The following IL1RAPL1 variants were observed in gnomAD, a reference collection of about 807,000 sequenced individuals.
IL1RAPL1 encodes the protein interleukin 1 receptor accessory protein like 1.
In IL1RAPL1, 3 loss-of-function variants were observed where a neutral mutation model predicts 48.4. The observed-to-expected ratio is 0.06, with a 90% confidence interval of 0.03 to 0.16. IL1RAPL1 has a LOEUF of 0.16. Ranked by LOEUF, IL1RAPL1 falls within the 10% of genes least tolerant of loss-of-function variation. The probability of loss-of-function intolerance (pLI) is 1.00; values close to 1 mark genes in which losing one functional copy is unlikely to be tolerated. For synonymous variants in IL1RAPL1, 185 were observed against 187.7 expected, an observed-to-expected ratio of 0.99 and a Z score of 0.12; for missense variants, 349 against 530.6, an observed-to-expected ratio of 0.66 and a Z score of 3.36.
At chrX:28,991,408 A>T (rs113280582) in intron 2 of IL1RAPL1, among the ~76,000 whole-genome samples, 1 of 104,367 alleles carries the variant, frequency 9.6e-6, no homozygotes, top group African/African-American at 3.6e-5. Flanking sequence ...GAAAACAGTG[A>T]GAGGGGCTCT....
chrX:28,923,094 G>A (rs962991154), intron 2 of IL1RAPL1, among the ~76,000 whole-genome samples: 1 of 112,174 alleles, frequency 8.9e-6, no homozygotes, highest in African/African-American at 3.2e-5. Context: ...ATATATGCCA[G>A]TCAAATGCCA....
chrX:28,624,480 A>C (rs1462540820), intron 1 of IL1RAPL1, among the ~76,000 whole-genome samples: 1 of 111,939 alleles, frequency 8.9e-6, no homozygotes, highest in Non-Finnish European at 1.9e-5. Flanking sequence ...ACACACGTAC[A>C]CATGCGTATG....
In IL1RAPL1 at chrX:28,992,438, T is replaced by G. The variant is rs1365778917; in HGVS notation, c.82+203013T>G. On this transcript the variant is annotated intron_variant, in intron 2 of 10. Transcript: ENST00000378993. The stretch of plus-strand genomic sequence containing the variant: ...CTGGGAGACGGAGGTTGCAGTGAGC[T>G]GAGATCATGCCACTGTACTCCAGCC... Among the ~76,000 whole-genome samples, 4 of 94,619 alleles carry G rather than the reference T, an allele frequency of 4.2e-5. No homozygotes were observed. The East Asian group carries it at 9.5e-4, about 23-fold the overall frequency. 82.2% of individuals were successfully genotyped at this position (94,619 alleles called of 115,157 possible).
chrX:28,831,730 T>C (rs1354176788), intron 2 of IL1RAPL1, among the ~76,000 whole-genome samples: 1 of 111,617 alleles, frequency 9.0e-6, no homozygotes, highest in East Asian at 2.8e-4. Flanking sequence ...TCTGAAAAAG[T>C]TGATTTTGAT....
chrX:28,764,718 AC>A (rs772119012), intron 1 of IL1RAPL1, among the ~76,000 whole-genome samples: 1 of 111,275 alleles, frequency 9.0e-6, no homozygotes, highest in East Asian at 2.8e-4. Flanking sequence ...TCATTTATTA[AC>A]TTTTTTGCAT....
intron 2 of IL1RAPL1, among the ~76,000 whole-genome samples, chrX:28,800,339 C>T (rs1936658387): frequency 8.9e-6 from 1 of 112,307 alleles, no homozygotes; most frequent in East Asian, 2.8e-4. Context: ...TTCATATGCA[C>T]AGGTCTTGGC....
At chrX:29,648,257 T>C (rs1925400977) in intron 5 of IL1RAPL1, among the ~76,000 whole-genome samples, 1 of 111,816 alleles carries the variant, frequency 8.9e-6, no homozygotes, top group Admixed American at 9.5e-5. Flanking sequence ...AGAAAAATCA[T>C]TGAATTGAAA....
At chrX:29,235,437 C>T (rs1032018217) in intron 2 of IL1RAPL1, among the ~76,000 whole-genome samples, 33 of 110,505 alleles carry the variant, frequency 3.0e-4, no homozygotes, top group Non-Finnish European at 3.0e-4. Context: ...CCTTTTTTCT[C>T]GTTACAAATT....
intron 9 of IL1RAPL1, among the ~76,000 whole-genome samples, chrX:29,946,292 C>T (rs762533366): frequency 8.9e-6 from 1 of 112,052 alleles, no homozygotes; most frequent in Non-Finnish European, 1.9e-5. Flanking sequence ...GCTCAGAAAG[C>T]AATTGCCATC....
At chrX:29,757,908 G>A (rs1246294828) in intron 6 of IL1RAPL1, among the ~76,000 whole-genome samples, 2 of 111,347 alleles carry the variant, frequency 1.8e-5, no homozygotes, top group Non-Finnish European at 3.8e-5. Context: ...GACGGAGGAA[G>A]AAGAGGGTCA....
rs188710559 is a variant in IL1RAPL1 at position 29,848,150 on chromosome X, A to G, written c.779-69314A>G. Among the ~76,000 whole-genome samples the G allele has an allele frequency of 2.2e-3, 243 of 111,548 alleles. 2 individuals are homozygous for G. Among genetic ancestry groups the G allele is most frequent in the Admixed American group, 0.019 (201 of 10,492 alleles). On this transcript the variant is annotated intron_variant, in intron 6 of 10. Coordinates refer to ENST00000378993, the MANE Select transcript of IL1RAPL1 (RefSeq NM_014271.4). Reference sequence around the variant, plus strand: ...TTTAGATGATGACAGTTTCTTTTGTAGGAGAGTGTGTACCTTTACAAGATA... The same window carrying G: ...TTTAGATGATGACAGTTTCTTTTGTGGGAGAGTGTGTACCTTTACAAGATA...
At chrX:28,789,536 G>A in intron 2 of IL1RAPL1, 111 bp downstream of exon 2, 1 of 568,972 alleles carries the variant, frequency 1.8e-6, no homozygotes, top group Non-Finnish European at 3.1e-6. Context: ...TATCAATATT[G>A]TGGAGATATT....
intron 3 of IL1RAPL1, among the ~76,000 whole-genome samples, chrX:29,288,113 CTTATT>C (rs1932312332): frequency 1.8e-5 from 2 of 111,045 alleles, no homozygotes; most frequent in African/African-American, 6.5e-5. Context: ...TGAAGAAATG[CTTATT>C]TTATTTTTTA....
chrX:28,961,524 G>A (rs1006276413), intron 2 of IL1RAPL1, among the ~76,000 whole-genome samples: 2 of 110,643 alleles, frequency 1.8e-5, no homozygotes, highest in African/African-American at 3.3e-5. Context: ...GACAGGCCCC[G>A]GTGTGTGATG....
At chrX:29,687,243 A>C (rs1926650446) in intron 6 of IL1RAPL1, among the ~76,000 whole-genome samples, 1 of 112,384 alleles carries the variant, frequency 8.9e-6, no homozygotes, top group African/African-American at 3.2e-5. Flanking sequence ...TGGATATGGA[A>C]TCAACTTAAA....
chrX:28,985,339 G>T (rs1386361197), intron 2 of IL1RAPL1, among the ~76,000 whole-genome samples: 1 of 111,932 alleles, frequency 8.9e-6, no homozygotes, highest in Non-Finnish European at 1.9e-5. Context: ...TGTGATCACT[G>T]TAATTAAGAA....
Position 29,449,780 on chromosome X carries a change from C to CACACACAGAGAG in IL1RAPL1, c.703+50473_703+50474insCACACAGAGAGA, listed in dbSNP as rs557765024. ...ACACACACACACACACACACACACA[C>CACACACAGAGAG]AGAGAGAGAGAGAGAGAGAATATAA... On this transcript the variant is annotated intron_variant, in intron 5 of 10. Coordinates refer to ENST00000378993, the MANE Select transcript of IL1RAPL1 (RefSeq NM_014271.4). 3.8e-3 allele frequency among the ~76,000 whole-genome samples: 219 copies of CACACACAGAGAG among 58,205 alleles called. 1 individual carries two copies. The highest frequency in any genetic ancestry group is 5.1e-3 in the African/African-American group (68 of 13,422). 50.5% of individuals were successfully genotyped at this position (58,205 alleles called of 115,157 possible).
chrX:29,894,832 C>CT (rs1042994870), intron 6 of IL1RAPL1, among the ~76,000 whole-genome samples: 5 of 110,308 alleles, frequency 4.5e-5, no homozygotes, highest in African/African-American at 1.3e-4. Context: ...TTCATCTGTT[C>CT]TTTTTTTTAT....
At chrX:29,188,673 G>A (rs1166170166) in intron 2 of IL1RAPL1, among the ~76,000 whole-genome samples, 2 of 97,984 alleles carry the variant, frequency 2.0e-5, no homozygotes, top group African/African-American at 3.8e-5. Flanking sequence ...TGCAACCTCC[G>A]CCTCCTGGGT....
Sources: gnomAD v4.1 joint callset for allele counts (sites outside exome capture counted in the v4.1 genomes callset) on GRCh38, gnomAD v4.1.1 for gene constraint, MANE v1.5 for transcripts, NCBI Gene and HGNC (gene_info 2026-07-23, HGNC 2026-07-21) for gene names.